PDZD2: variants seen among roughly 807,000 people sequenced by gnomAD.
PDZD2 encodes the protein PDZ domain-containing protein 2.
PDZD2 carries 90 observed loss-of-function variants against 220.7 expected under a neutral mutation model. The ratio of observed to expected loss-of-function variants is 0.41; its 90% CI spans 0.34 to 0.49. The LOEUF (loss-of-function observed/expected upper bound fraction) is 0.49, where lower values mean the gene tolerates loss of function less well. PDZD2 is among the 20% of genes least tolerant of loss of function. The pLI, the probability that PDZD2 is intolerant of heterozygous loss-of-function variation, is 0.28. For missense variants in PDZD2, 3,174 were observed against 3,608.5 expected (o/e 0.88, Z 3.08); for synonymous variants, 1,375 against 1,450.5 (o/e 0.95, Z 1.18).
At chr5:32,102,022 A>G (rs1379216722) in intron 24 of PDZD2, among the ~76,000 whole-genome samples, 1 of 152,204 alleles carries the variant, frequency 6.6e-6, no homozygotes, top group African/African-American at 2.4e-5. Flanking sequence ...GTTTCTTTAA[A>G]TGACCATCTA....
chr5:31,782,041 G>T (rs1753088658), intron 1 of PDZD2, among the ~76,000 whole-genome samples: 1 of 152,144 alleles, frequency 6.6e-6, no homozygotes, highest in South Asian at 2.1e-4. Flanking sequence ...GGTGGCCGTG[G>T]CCCATGGGTG....
intron 1 of PDZD2, among the ~76,000 whole-genome samples, chr5:31,721,855 G>C (rs1423500021): frequency 2.0e-5 from 3 of 152,080 alleles, no homozygotes; most frequent in Non-Finnish European, 2.9e-5. Context: ...TCGGTTTACA[G>C]AGCTGGTATA....
chr5:31,700,961 C>G (rs1747579861), intron 1 of PDZD2, among the ~76,000 whole-genome samples: 1 of 152,184 alleles, frequency 6.6e-6, no homozygotes, highest in South Asian at 2.1e-4. Context: ...TTCCCAGTCC[C>G]TCTGTCCGTA....
At chr5:32,005,649 A>C (rs577292917) in intron 5 of PDZD2, among the ~76,000 whole-genome samples, 1 of 152,302 alleles carries the variant, frequency 6.6e-6, no homozygotes, top group East Asian at 1.9e-4. Flanking sequence ...CAACATGTAC[A>C]TACATGTTTT....
At chr5:31,966,863 A>G (rs1018647740) in intron 2 of PDZD2, among the ~76,000 whole-genome samples, 3 of 152,144 alleles carry the variant, frequency 2.0e-5, no homozygotes, top group Non-Finnish European at 4.4e-5. Flanking sequence ...CGGCCCCACC[A>G]GCCTGCCTGC....
At chr5:31,675,214 C>T (rs1746361135) in intron 1 of PDZD2, among the ~76,000 whole-genome samples, 1 of 152,158 alleles carries the variant, frequency 6.6e-6, no homozygotes, top group African/African-American at 2.4e-5. Context: ...CACTTTTGCT[C>T]TCATTGTGCA....
chr5:31,887,623 T>C (rs1189824236), intron 2 of PDZD2, among the ~76,000 whole-genome samples: 1 of 152,170 alleles, frequency 6.6e-6, no homozygotes, highest in Admixed American at 6.5e-5. Context: ...GATTATCAAT[T>C]GTCCGTTGTT....
intron 2 of PDZD2, among the ~76,000 whole-genome samples, chr5:31,976,476 A>G (rs922775069): frequency 1.3e-5 from 2 of 152,162 alleles, no homozygotes; most frequent in Admixed American, 1.3e-4. Context: ...GTACTGTCCT[A>G]TAAACTCAGA....
At chr5:31,828,448 T>C (rs1241204393) in intron 2 of PDZD2, among the ~76,000 whole-genome samples, 1 of 152,232 alleles carries the variant, frequency 6.6e-6, no homozygotes, top group Non-Finnish European at 1.5e-5. Context: ...GAACACCTTT[T>C]CATGTGTTTT....
intron 11 of PDZD2, 24 bp from the exon 12 acceptor site, chr5:32,057,854 C>T: frequency 6.4e-7 from 1 of 1,559,180 alleles, no homozygotes; most frequent in East Asian, 2.2e-5. Flanking sequence ...TGTTTCAGCC[C>T]ACCTTTCCTC....
intron 2 of PDZD2, chr5:31,840,601 C>T: frequency 1.4e-6 from 1 of 716,930 alleles, no homozygotes; most frequent in Admixed American, 1.9e-5. Context: ...CAGTTGAACC[C>T]AGGTACCTTT....
chr5:31,702,635 T>G (rs181066600), intron 1 of PDZD2, among the ~76,000 whole-genome samples: 346 of 152,328 alleles, frequency 2.3e-3, no homozygotes, highest in Non-Finnish European at 3.3e-3. Context: ...GAAAGGTTAG[T>G]GTTTTCAAGC....
chr5:32,086,733 A>G (rs1252676321), intron 19 of PDZD2, among the ~76,000 whole-genome samples: 5 of 151,934 alleles, frequency 3.3e-5, no homozygotes, highest in African/African-American at 2.4e-5. Flanking sequence ...CTGCAGTGCA[A>G]TGGCACATTC....
At chr5:31,742,675 A>G (rs2150168215) in intron 1 of PDZD2, among the ~76,000 whole-genome samples, 1 of 152,264 alleles carries the variant, frequency 6.6e-6, no homozygotes, top group Non-Finnish European at 1.5e-5. Flanking sequence ...TGGCCAACCT[A>G]GTAAACTTGC....
chr5:31,814,032 A>G (rs1755283005), intron 2 of PDZD2, among the ~76,000 whole-genome samples: 1 of 152,216 alleles, frequency 6.6e-6, no homozygotes, highest in South Asian at 2.1e-4. Context: ...TAAATAAAAA[A>G]GATTTTTAAA....
intron 21 of PDZD2, 80 bp downstream of exon 21, chr5:32,093,104 C>G: frequency 1.3e-6 from 1 of 751,912 alleles, no homozygotes; most frequent in South Asian, 1.6e-5. Flanking sequence ...CCCAGACAGC[C>G]GAGGAGAGCC....
At chr5:32,033,767 TCAC>T (rs1173139299) in intron 6 of PDZD2, among the ~76,000 whole-genome samples, 2 of 151,956 alleles carry the variant, frequency 1.3e-5, no homozygotes, top group Non-Finnish European at 2.9e-5. Context: ...CTACAGGCAC[TCAC>T]CACCACACCC....
At chr5:32,075,697 T>A (rs186461582) in intron 18 of PDZD2, among the ~76,000 whole-genome samples, 1 of 152,200 alleles carries the variant, frequency 6.6e-6, no homozygotes, top group African/African-American at 2.4e-5. Flanking sequence ...GTTTATAATC[T>A]CCTTAACATA....
At chr5:31,842,096 A>T (rs1757346506) in intron 2 of PDZD2, among the ~76,000 whole-genome samples, 1 of 152,208 alleles carries the variant, frequency 6.6e-6, no homozygotes. Flanking sequence ...GTTAATTTGT[A>T]ACTTTCTCTT....
Sources: allele counts gnomAD v4.1 joint callset (sites outside exome capture counted in the v4.1 genomes callset), GRCh38; gene constraint gnomAD v4.1.1; transcripts MANE v1.5; gene names NCBI Gene and HGNC (gene_info 2026-07-23, HGNC 2026-07-21).